ELF5: variants seen among roughly 807,000 people sequenced by gnomAD.
The protein encoded by ELF5 is ETS-related transcription factor Elf-5.
A neutral mutation model predicts 38.2 loss-of-function variants in ELF5; 31 were observed. The observed-to-expected ratio is 0.81, with a 90% CI of 0.61 to 1.10. The LOEUF is 1.10. Ranked by LOEUF, ELF5 falls within the 50% of genes least tolerant of loss-of-function variation. The probability of loss-of-function intolerance (pLI) is 0.00; values close to 1 mark genes in which losing one functional copy is unlikely to be tolerated. For missense variants in ELF5, 300 were observed against 306.6 expected, an observed-to-expected ratio of 0.98 and a Z score of 0.16; for synonymous variants, 121 against 112.5, an observed-to-expected ratio of 1.08 and a Z score of -0.48.
chr11:34,482,008 A>G (rs540181975), intron 5 of ELF5, among the ~76,000 whole-genome samples: 36 of 152,304 alleles, frequency 2.4e-4, no homozygotes, highest in African/African-American at 6.7e-4. Context: ...AGGATTGCCA[A>G]TTCCCGGTGT....
In ELF5 at chr11:34,513,764, AAGACACCTGT is replaced by A. The variant is rs1285985844; in HGVS notation, c.-102_-93del. 2 of 152,386 alleles carry A rather than the reference AAGACACCTGT, an allele frequency of 1.3e-5. No individual in the cohort carries two copies. The highest frequency in any genetic ancestry group is 1.3e-4 in the Admixed American group (2 of 15,294). 9.4% of individuals were successfully genotyped at this position (152,386 alleles called of 1,614,324 possible). On this transcript the variant is annotated 5_prime_UTR_variant, in exon 1 of 7. Coordinates refer to ENST00000257832, the MANE Select transcript of ELF5 (RefSeq NM_001422.4). ...CCAGCACCAGCGTGCAGTGGAAATA[AAGACACCTGT>A]AGCCTTGTGATATAAGTGACACCTA...
chr11:34,487,166 C>T (rs1401945701), intron 4 of ELF5, among the ~76,000 whole-genome samples: 2 of 151,810 alleles, frequency 1.3e-5, no homozygotes, highest in Admixed American at 6.6e-5. Context: ...TCAGGGGTCT[C>T]GGGGGAAGGC....
chr11:34,505,750 T>TCC lies in ELF5; in HGVS notation c.-2_-1insGG, dbSNP rs1309817858. The TCC allele has an allele frequency of 1.2e-6, 2 of 1,613,308 alleles. No homozygotes were observed. Among genetic ancestry groups the TCC allele is most frequent in the South Asian group, 2.2e-5 (2 of 90,948 alleles). ...TGCTGTGTGTCACCGAGTCCAACAT[T>TCC]ACCCTGCAACAGCAGGAGAGGTCGT... On this transcript the variant is annotated 5_prime_UTR_variant, in exon 2 of 7. Transcript: ENST00000257832.
chr11:34,481,221 G>A (rs868357616), intron 5 of ELF5, among the ~76,000 whole-genome samples: 6 of 151,662 alleles, frequency 4.0e-5, no homozygotes, highest in South Asian at 2.1e-4. Context: ...ATGGGGTTTC[G>A]CCATGTTGAC....
At chr11:34,497,541 G>A (rs1030610707) in intron 2 of ELF5, among the ~76,000 whole-genome samples, 6 of 152,220 alleles carry the variant, frequency 3.9e-5, no homozygotes, top group Non-Finnish European at 8.8e-5. Context: ...AAATTCAGAA[G>A]GAGGACTTTA....
chr11:34,493,459 C>T lies in ELF5; in HGVS notation c.355+20G>A. 6.2e-7 allele frequency: 1 copy of T among 1,608,300 alleles called. No individual in the cohort carries two copies. The highest frequency in any genetic ancestry group is 8.5e-7 in the Non-Finnish European group (1 of 1,176,880). On this transcript the variant is annotated intron_variant, in intron 3 of 6. Transcript: ENST00000257832. Reference sequence around the variant, plus strand: ...TAATCCTGGTCCCTCCCCTGGAGGTCTGGCCCTCTGAACACTGACCTTGTG... The same window carrying T: ...TAATCCTGGTCCCTCCCCTGGAGGTTTGGCCCTCTGAACACTGACCTTGTG...
chr11:34,488,581 T>A lies in ELF5; in HGVS notation c.406+1428A>T, dbSNP rs143447508. Among the ~76,000 whole-genome samples the A allele has an allele frequency of 7.0e-4, 107 of 152,324 alleles. 1 individual carries two copies. The East Asian group carries it at 8.7e-3, about 12-fold the overall frequency. On this transcript the variant is annotated intron_variant, in intron 4 of 6. Transcript: ENST00000257832. The stretch of plus-strand genomic sequence containing the variant: ...GCTGTCATCCTCATCCTTATCCTCA[T>A]CATCATAATCATCAGCACATTGAAT...
At position 34,486,592 on chromosome 11, in the gene ELF5, G is replaced by A. The variant is rs114464454; in HGVS notation, c.406+3417C>T. ...TATGTGTGTGTGTGTGTGCATGTGT[G>A]AGTGTGCATAGCACACAATGTAAAA... On this transcript the variant is annotated intron_variant, in intron 4 of 6. Coordinates refer to ENST00000257832, the MANE Select transcript of ELF5 (RefSeq NM_001422.4). 5.5e-3 allele frequency among the ~76,000 whole-genome samples: 840 copies of A among 152,332 alleles called. 4 individuals are homozygous for A. The highest frequency in any genetic ancestry group is 0.019 in the African/African-American group (800 of 41,574).
intron 4 of ELF5, among the ~76,000 whole-genome samples, chr11:34,489,210 C>T (rs1254062052): frequency 2.6e-5 from 4 of 152,226 alleles, no homozygotes; most frequent in Non-Finnish European, 5.9e-5. Flanking sequence ...ATCCAAGTAA[C>T]GTGAGTCCTC....
chr11:34,482,145 C>A (rs995656701), intron 5 of ELF5, among the ~76,000 whole-genome samples: 18 of 152,186 alleles, frequency 1.2e-4, no homozygotes, highest in African/African-American at 3.9e-4. Flanking sequence ...CAACTACGAT[C>A]ATGTCTTTCA....
intron 2 of ELF5, among the ~76,000 whole-genome samples, chr11:34,501,711 C>T (rs1383106144): frequency 6.6e-6 from 1 of 152,098 alleles, no homozygotes; most frequent in African/African-American, 2.4e-5. Flanking sequence ...GTCCAACCTC[C>T]TGCCTGCAGT....
At chr11:34,484,465 T>C (rs953617040) in intron 4 of ELF5, among the ~76,000 whole-genome samples, 4 of 74,216 alleles carry the variant, frequency 5.4e-5, no homozygotes, top group Non-Finnish European at 9.5e-5. Flanking sequence ...TATACTGTAC[T>C]GTGCTACACT....
At chr11:34,486,561 T>C (rs1052808401) in intron 4 of ELF5, among the ~76,000 whole-genome samples, 1 of 152,224 alleles carries the variant, frequency 6.6e-6, no homozygotes, top group African/African-American at 2.4e-5. Flanking sequence ...TGTGTGCCTA[T>C]GTGAATATGT....
At chr11:34,508,938 T>C (rs770362413) in intron 1 of ELF5, among the ~76,000 whole-genome samples, 3 of 152,112 alleles carry the variant, frequency 2.0e-5, no homozygotes, top group Non-Finnish European at 4.4e-5. Flanking sequence ...AAATCAAACC[T>C]CAGTACTAAG....
rs935637641 is a variant in ELF5 at position 34,493,476 on chromosome 11, G to A, written c.355+3C>T. On this transcript the variant is annotated splice_donor_region_variant and intron_variant, in intron 3 of 6. Coordinates refer to ENST00000257832, the MANE Select transcript of ELF5 (RefSeq NM_001422.4). Reference sequence around the variant, plus strand: ...CTGGAGGTCTGGCCCTCTGAACACTGACCTTGTGTGCGGATGTTCTGGAGG... The same window carrying A: ...CTGGAGGTCTGGCCCTCTGAACACTAACCTTGTGTGCGGATGTTCTGGAGG... The A allele has an allele frequency of 6.2e-6, 10 of 1,612,708 alleles. No homozygotes were observed. The highest frequency in any genetic ancestry group is 7.6e-6 in the Non-Finnish European group (9 of 1,179,408).
At chr11:34,506,049 C>G (rs908127038) in intron 1 of ELF5, among the ~76,000 whole-genome samples, 1 of 152,138 alleles carries the variant, frequency 6.6e-6, no homozygotes, top group Non-Finnish European at 1.5e-5. Flanking sequence ...TCTGATTATG[C>G]AATATTGCCT....
At chr11:34,494,765 T>C (rs1026713450) in intron 2 of ELF5, among the ~76,000 whole-genome samples, 8 of 152,340 alleles carry the variant, frequency 5.3e-5, no homozygotes, top group Non-Finnish European at 1.2e-4. Flanking sequence ...ATGGAAAACA[T>C]TCATTCATTT....
In ELF5 at chr11:34,513,779, T is replaced by G. The variant is rs1850825397; in HGVS notation, c.-107A>C. 1 of 152,332 alleles carries G rather than the reference T, an allele frequency of 6.6e-6. No individual in the cohort carries two copies. The highest frequency in any genetic ancestry group is 1.5e-5 in the Non-Finnish European group (1 of 68,110). 9.4% of individuals were successfully genotyped at this position (152,332 alleles called of 1,614,324 possible). On this transcript the variant is annotated 5_prime_UTR_variant, in exon 1 of 7. Transcript: ENST00000257832. ...AGTGGAAATAAAGACACCTGTAGCC[T>G]TGTGATATAAGTGACACCTACAGAC...
At chr11:34,512,933 C>G (rs1850797751) in intron 1 of ELF5, among the ~76,000 whole-genome samples, 1 of 152,152 alleles carries the variant, frequency 6.6e-6, no homozygotes, top group Non-Finnish European at 1.5e-5. Flanking sequence ...TAACATGAAG[C>G]GATTGCACCT....
Sources: allele counts gnomAD v4.1 joint callset (sites outside exome capture counted in the v4.1 genomes callset), GRCh38; gene constraint gnomAD v4.1.1; transcripts MANE v1.5; gene names NCBI Gene and HGNC (gene_info 2026-07-23, HGNC 2026-07-21).